The following TMEM131L variants were observed in gnomAD, a reference collection of about 807,000 sequenced individuals.
TMEM131L encodes transmembrane protein 131-like.
In TMEM131L, 54 loss-of-function variants were observed where a neutral mutation model predicts 192.2. The ratio of observed to expected loss-of-function variants is 0.28; its 90% CI spans 0.23 to 0.35. The LOEUF (loss-of-function observed/expected upper bound fraction) is 0.35, where lower values mean the gene tolerates loss of function less well. Ranked by LOEUF, TMEM131L falls within the 10% of genes least tolerant of loss-of-function variation. TMEM131L has a pLI of 1.00. For synonymous variants in TMEM131L, 701 were observed against 704.9 expected (o/e 0.99, Z 0.09); for missense variants, 1,888 against 1,972.9 (o/e 0.96, Z 0.82).
At chr4:153,621,903 T>C in intron 28 of TMEM131L, 54 bp downstream of exon 28, 1 of 1,539,182 alleles carries the variant, frequency 6.5e-7, no homozygotes, top group Non-Finnish European at 8.9e-7. Flanking sequence ...TTTTGTTTCC[T>C]CAATGAAGTA....
chr4:153,532,095 A>G (rs2150243032), intron 3 of TMEM131L, among the ~76,000 whole-genome samples: 1 of 152,320 alleles, frequency 6.6e-6, no homozygotes, highest in East Asian at 1.9e-4. Flanking sequence ...ATGGATCTCC[A>G]CTGAAGGCCA....
intron 21 of TMEM131L, among the ~76,000 whole-genome samples, chr4:153,599,545 A>T (rs1467466629): frequency 6.6e-6 from 1 of 152,230 alleles, no homozygotes; most frequent in African/African-American, 2.4e-5. Context: ...GAGGGAAAAA[A>T]GATTGTGTAA....
At chr4:153,504,214 G>T (rs929348983) in intron 3 of TMEM131L, among the ~76,000 whole-genome samples, 13 of 142,236 alleles carry the variant, frequency 9.1e-5, no homozygotes, top group Middle Eastern at 3.8e-3. Context: ...GTGATCCACC[G>T]CCTCGGCCTC....
chr4:153,555,733 G>T lies in TMEM131L; in HGVS notation c.309-54G>T. On this transcript the variant is annotated intron_variant, in intron 4 of 34. Coordinates refer to ENST00000409959, the MANE Select transcript of TMEM131L (RefSeq NM_001131007.2). The surrounding 1 kb of genome is among the most constrained non-coding windows in gnomAD (Gnocchi z 4.1). ...ATATAATAATACATATATATGTATG[G>T]TAATATTTATAACCACACAATACAT... The T allele has an allele frequency of 6.9e-7, 1 of 1,457,102 alleles. No homozygotes were observed. The highest frequency in any genetic ancestry group is 1.3e-5 in the South Asian group (1 of 79,638). The allele number at this position is 1,457,102 out of a possible 1,614,324, so 90.3% of individuals were successfully genotyped here. A position where few individuals can be genotyped will look rare whatever the true frequency, so the allele number is the denominator to read the frequency against.
intron 25 of TMEM131L, among the ~76,000 whole-genome samples, chr4:153,607,461 G>A (rs1351475073): frequency 2.6e-5 from 4 of 152,194 alleles, no homozygotes; most frequent in Admixed American, 6.5e-5. Flanking sequence ...CTAAGTGCCA[G>A]TCACGTTGTC....
chr4:153,582,790 T>C (rs1730450557), intron 9 of TMEM131L, among the ~76,000 whole-genome samples: 1 of 152,134 alleles, frequency 6.6e-6, no homozygotes. Context: ...ATCTCAGGAT[T>C]TTCTTCTTTC....
chr4:153,603,704 A>G, intron 24 of TMEM131L, 98 bp from the exon 25 acceptor site: 1 of 1,321,766 alleles, frequency 7.6e-7, no homozygotes. Flanking sequence ...ACTTACACTC[A>G]GTACTGATTG....
At chr4:153,598,389 A>T (rs1213848130) in intron 20 of TMEM131L, among the ~76,000 whole-genome samples, 1 of 152,218 alleles carries the variant, frequency 6.6e-6, no homozygotes, top group Non-Finnish European at 1.5e-5. Flanking sequence ...GGTACTTGGC[A>T]GTGGCAGCTT....
chr4:153,469,505 A>G lies in TMEM131L; in HGVS notation c.195+2224A>G, dbSNP rs137948901. Among the ~76,000 whole-genome samples, 223 of 152,250 alleles carry G rather than the reference A, an allele frequency of 1.5e-3. 1 individual carries two copies. In the Middle Eastern group the frequency reaches 0.024, roughly 16 times the overall value. The stretch of plus-strand genomic sequence containing the variant: ...GAGAATATTTATAGGTGTTAATTTA[A>G]ATTTGAGGGTTTTCTGCTTAATTAA... On this transcript the variant is annotated intron_variant, in intron 2 of 34. Transcript: ENST00000409959.
intron 3 of TMEM131L, among the ~76,000 whole-genome samples, chr4:153,494,477 T>A (rs1277770319): frequency 6.6e-6 from 1 of 152,230 alleles, no homozygotes; most frequent in African/African-American, 2.4e-5. Flanking sequence ...TGTTTTCATT[T>A]GCTAATGAGA....
chr4:153,548,375 G>A (rs1180841135), intron 3 of TMEM131L, among the ~76,000 whole-genome samples: 1 of 152,192 alleles, frequency 6.6e-6, no homozygotes, highest in Non-Finnish European at 1.5e-5. Context: ...CACGATCTTG[G>A]CTCACTGCAA....
At chr4:153,574,626 A>T (rs921701816) in intron 7 of TMEM131L, among the ~76,000 whole-genome samples, 3 of 152,146 alleles carry the variant, frequency 2.0e-5, no homozygotes, top group Admixed American at 1.3e-4. Context: ...TCTTTTTGAG[A>T]TGGACTCTGT....
chr4:153,511,085 G>A (rs1432525677), intron 3 of TMEM131L, among the ~76,000 whole-genome samples: 1 of 152,008 alleles, frequency 6.6e-6, no homozygotes, highest in Admixed American at 6.5e-5. Context: ...ATTTCTCGAA[G>A]AACTAAAACC....
chr4:153,510,314 G>A (rs1734269144), intron 3 of TMEM131L, among the ~76,000 whole-genome samples: 1 of 152,138 alleles, frequency 6.6e-6, no homozygotes, highest in African/African-American at 2.4e-5. Context: ...ATATTTAAAG[G>A]AAATTAATTG....
chr4:153,575,287 A>G (rs184249501), intron 7 of TMEM131L, among the ~76,000 whole-genome samples: 2 of 152,304 alleles, frequency 1.3e-5, no homozygotes, highest in Admixed American at 1.3e-4. Context: ...CTTTCTCTCT[A>G]GTATCCAGTT....
chr4:153,525,919 C>T (rs531189267), intron 3 of TMEM131L, among the ~76,000 whole-genome samples: 3 of 151,950 alleles, frequency 2.0e-5, no homozygotes, highest in East Asian at 1.9e-4. Flanking sequence ...TGAGTTGGCA[C>T]GATCTCGGCT....
At chr4:153,557,206 C>T (rs2150475575) in intron 6 of TMEM131L, 124 bp downstream of exon 6, 1 of 638,722 alleles carries the variant, frequency 1.6e-6, no homozygotes. Flanking sequence ...AAATACAAGA[C>T]TGTTAGTGAT....
chr4:153,557,402 A>G (rs1317369040), intron 6 of TMEM131L, among the ~76,000 whole-genome samples: 2 of 152,152 alleles, frequency 1.3e-5, no homozygotes, highest in Non-Finnish European at 2.9e-5. Context: ...CTCTCACCTC[A>G]CGGGCGTTCA....
At chr4:153,516,902 C>T (rs531782057) in intron 3 of TMEM131L, among the ~76,000 whole-genome samples, 162 of 152,278 alleles carry the variant, frequency 1.1e-3, no homozygotes, top group African/African-American at 3.9e-3. Flanking sequence ...TCTTGGCTCA[C>T]TGCAACCTCC....
Sources: allele counts gnomAD v4.1 joint callset (sites outside exome capture counted in the v4.1 genomes callset), GRCh38; gene constraint gnomAD v4.1.1; non-coding constraint Gnocchi (gnomAD v3.1); transcripts MANE v1.5; gene names NCBI Gene and HGNC (gene_info 2026-07-23, HGNC 2026-07-21).